EPB41L4B: variants seen among roughly 807,000 people sequenced by gnomAD.
EPB41L4B encodes the protein erythrocyte membrane protein band 4.1 like 4B, also known as band 4.1-like protein 4B.
In EPB41L4B, 30 loss-of-function variants were observed where a neutral mutation model predicts 112.5. The observed-to-expected ratio is 0.27, with a 90% CI of 0.20 to 0.36. The LOEUF (loss-of-function observed/expected upper bound fraction) is 0.36. Among genes scored for constraint, EPB41L4B ranks in the 10% least tolerant of loss-of-function variants. EPB41L4B has a pLI of 1.00. For missense variants in EPB41L4B, 1,024 were observed against 1,133.3 expected (o/e 0.90, Z 1.38); for synonymous variants, 408 against 439.7 (o/e 0.93, Z 0.90).
In EPB41L4B at chr9:109,256,236, C is replaced by G; in HGVS notation, c.841-12G>C. On this transcript the variant is annotated splice_polypyrimidine_tract_variant and intron_variant, in intron 8 of 25. Transcript: ENST00000374566. ...CAGCCATCTCTTCCCTACAAACAAACGAAGTGACAATCGGTAGAGGGTTCT... is the reference window on the plus strand; with the variant it reads ...CAGCCATCTCTTCCCTACAAACAAAGGAAGTGACAATCGGTAGAGGGTTCT... The G allele has an allele frequency of 1.9e-6, 3 of 1,613,124 alleles. No homozygotes were observed. The highest frequency in any genetic ancestry group is 2.5e-6 in the Non-Finnish European group (3 of 1,179,122).
intron 2 of EPB41L4B, 91 bp from the exon 3 acceptor site, chr9:109,268,524 T>A (rs1164236368): frequency 5.9e-6 from 7 of 1,183,216 alleles, no homozygotes; most frequent in Non-Finnish European, 7.2e-6. Context: ...GCCTTAGTAA[T>A]TCTACCCACA....
intron 15 of EPB41L4B, among the ~76,000 whole-genome samples, chr9:109,230,311 T>C (rs1319439118): frequency 1.3e-5 from 2 of 152,214 alleles, no homozygotes; most frequent in African/African-American, 2.4e-5. Context: ...TGCTAGGCAA[T>C]ACTGCTTTGC....
chr9:109,317,557 T>A (rs1837679636), intron 1 of EPB41L4B, among the ~76,000 whole-genome samples: 1 of 152,192 alleles, frequency 6.6e-6, no homozygotes, highest in Non-Finnish European at 1.5e-5. Context: ...TTCCAGACAA[T>A]TTCAGAACAC....
rs188909326 is a variant in EPB41L4B, at chr9:109,217,746, A to G, written c.1410-601T>C. Among the ~76,000 whole-genome samples the G allele has an allele frequency of 1.7e-4, 26 of 152,122 alleles. No homozygotes were observed. The East Asian group carries it at 4.6e-3, about 27-fold the overall frequency. On this transcript the variant is annotated intron_variant, in intron 15 of 25. Coordinates refer to ENST00000374566, the MANE Select transcript of EPB41L4B (RefSeq NM_019114.5). ...GACACCATGCCTGGCTAATTTTTAAAATTTTTTGTAGAGACAGGATCTCGC... is the reference window on the plus strand; with the variant it reads ...GACACCATGCCTGGCTAATTTTTAAGATTTTTTGTAGAGACAGGATCTCGC...
chr9:109,299,962 T>C (rs1241712096), intron 1 of EPB41L4B, among the ~76,000 whole-genome samples: 4 of 152,124 alleles, frequency 2.6e-5, no homozygotes, highest in African/African-American at 9.7e-5. Flanking sequence ...AACACAACCC[T>C]ACGGTGAACA....
At chr9:109,312,133 T>C (rs1252784516) in intron 1 of EPB41L4B, among the ~76,000 whole-genome samples, 2 of 152,038 alleles carry the variant, frequency 1.3e-5, no homozygotes, top group South Asian at 2.1e-4. Flanking sequence ...TCAAGAAATG[T>C]GGATGGGGAG....
chr9:109,236,866 G>C (rs1834162510), intron 15 of EPB41L4B, among the ~76,000 whole-genome samples: 2 of 152,194 alleles, frequency 1.3e-5, no homozygotes, highest in Admixed American at 1.3e-4. Flanking sequence ...GCCTCCTGTA[G>C]CAAGAGAGTG....
Position 109,258,257 on chromosome 9 carries a change from C to A in EPB41L4B, c.672G>T (p.Glu224Asp). 2 of 1,614,036 alleles carry A rather than the reference C, an allele frequency of 1.2e-6. No homozygotes were observed. The highest frequency in any genetic ancestry group is 1.7e-6 in the Non-Finnish European group (2 of 1,179,900). The change falls in exon 7 of 26, where the codon GAG (glutamate) becomes GAT (aspartate). Residue 224 changes from glutamate (E) to aspartate (D), a missense_variant. Coordinates refer to ENST00000374566, the MANE Select transcript of EPB41L4B (RefSeq NM_019114.5). ...GAATGAACCGAAACTCAGACACAAG[C>A]TCTGGTGTGTGTTCTGGAAGCTCGC... ...GECELPEHTP[E>D]LVSEFRFIPN...
chr9:109,240,611 T>G (rs764455077), intron 15 of EPB41L4B: 36 of 985,316 alleles, frequency 3.7e-5, no homozygotes, highest in Non-Finnish European at 4.2e-5. Context: ...GGTACAAGCT[T>G]TAACCTAAAA....
chr9:109,268,982 C>T (rs1835513299), intron 2 of EPB41L4B, among the ~76,000 whole-genome samples: 4 of 150,912 alleles, frequency 2.7e-5, no homozygotes, highest in Admixed American at 6.6e-5. Context: ...GGAAGTTTTA[C>T]AAAGTGGTGC....
At chr9:109,205,372 C>CA (rs1832962111) in intron 18 of EPB41L4B, among the ~76,000 whole-genome samples, 1 of 152,188 alleles carries the variant, frequency 6.6e-6, no homozygotes, top group African/African-American at 2.4e-5. Flanking sequence ...CAAGATACTG[C>CA]ACTTCTCCAA....
intron 2 of EPB41L4B, among the ~76,000 whole-genome samples, chr9:109,273,877 C>G (rs1835718210): frequency 6.6e-6 from 1 of 152,182 alleles, no homozygotes; most frequent in Non-Finnish European, 1.5e-5. Flanking sequence ...CCAGGTATAC[C>G]TAATAGTCAC....
chr9:109,252,885 A>G (rs1356738238), intron 12 of EPB41L4B, among the ~76,000 whole-genome samples: 5 of 152,120 alleles, frequency 3.3e-5, no homozygotes, highest in African/African-American at 1.2e-4. Flanking sequence ...TCATACAGGT[A>G]TGAGGCCCCA....
At chr9:109,306,442 C>T (rs1217996891) in intron 1 of EPB41L4B, among the ~76,000 whole-genome samples, 3 of 152,056 alleles carry the variant, frequency 2.0e-5, no homozygotes, top group South Asian at 2.1e-4. Context: ...GGCAAAACCC[C>T]GTCTCTATTA....
chr9:109,240,303 A>T (rs1394840359), intron 15 of EPB41L4B: 4 of 985,326 alleles, frequency 4.1e-6, no homozygotes, highest in Non-Finnish European at 4.8e-6. Context: ...CCTGTAAACA[A>T]ATGCCTTAGG....
At chr9:109,303,081 T>TAA (rs541291343) in intron 1 of EPB41L4B, among the ~76,000 whole-genome samples, 3 of 88,680 alleles carry the variant, frequency 3.4e-5, no homozygotes, top group Non-Finnish European at 2.3e-5. Flanking sequence ...ACCCCATCTC[T>TAA]AAAAAAAAAA....
intron 24 of EPB41L4B, among the ~76,000 whole-genome samples, chr9:109,182,274 A>G (rs1588116297): frequency 6.6e-6 from 1 of 152,228 alleles, no homozygotes; most frequent in African/African-American, 2.4e-5. Flanking sequence ...ATGAACCTCA[A>G]ATACATTATG....
chr9:109,196,327 A>G (rs1042667603), intron 20 of EPB41L4B: 2 of 151,978 alleles, frequency 1.3e-5, no homozygotes, highest in African/African-American at 4.8e-5. Context: ...TTTTTTTTAG[A>G]CTTTTACACT....
chr9:109,276,153 A>G (rs967827494), intron 2 of EPB41L4B, among the ~76,000 whole-genome samples: 91 of 94,616 alleles, frequency 9.6e-4, no homozygotes, highest in Middle Eastern at 6.0e-3. Flanking sequence ...ACGTGTGTGT[A>G]TACACACACA....
Sources: allele counts gnomAD v4.1 joint callset (sites outside exome capture counted in the v4.1 genomes callset), GRCh38; gene constraint gnomAD v4.1.1; transcripts MANE v1.5; gene names NCBI Gene and HGNC (gene_info 2026-07-23, HGNC 2026-07-21).